TMEM132D: variants seen among roughly 807,000 people sequenced by gnomAD.
The protein encoded by TMEM132D is mature OL transmembrane protein.
Under a neutral mutation model 62.3 loss-of-function variants are expected in TMEM132D, and 21 were observed. That is an observed-to-expected ratio of 0.34 (90% CI 0.24 to 0.49). The LOEUF (loss-of-function observed/expected upper bound fraction) is 0.49. TMEM132D is among the 20% of genes least tolerant of loss of function. The probability of loss-of-function intolerance (pLI) is 0.99; values close to 1 mark genes in which losing one functional copy is unlikely to be tolerated. For missense variants in TMEM132D, 1,346 were observed against 1,402.8 expected (o/e 0.96, Z 0.65); for synonymous variants, 621 against 575.6 (o/e 1.08, Z -1.13).
chr12:129,638,073 G>C (rs1274231941), intron 2 of TMEM132D, among the ~76,000 whole-genome samples: 1 of 152,190 alleles, frequency 6.6e-6, no homozygotes, highest in African/African-American at 2.4e-5. Flanking sequence ...TTCTGTGTAA[G>C]TGAAATGAAA....
chr12:129,779,246 A>G lies in TMEM132D; in HGVS notation c.80-78548T>C, dbSNP rs1258245427. On this transcript the variant is annotated intron_variant, in intron 1 of 8. Coordinates refer to ENST00000422113, the MANE Select transcript of TMEM132D (RefSeq NM_133448.3). This position sits in a 1 kb window ranked among gnomAD's most constrained non-coding sequence, Gnocchi z 4.1. ...AGAACGGCTACACCCAGCTACAAGC[A>G]GTACCAGGAAATGAAGCTTTTATTC... Among the ~76,000 whole-genome samples the G allele has an allele frequency of 6.6e-6, 1 of 152,236 alleles. No homozygotes were observed. The highest frequency in any genetic ancestry group is 2.4e-5 in the African/African-American group (1 of 41,454).
intron 2 of TMEM132D, among the ~76,000 whole-genome samples, chr12:129,638,206 C>T (rs1019589677): frequency 5.9e-5 from 9 of 152,138 alleles, no homozygotes; most frequent in East Asian, 1.9e-4. Context: ...TGTCCTTACC[C>T]GTTTTATTAA....
At chr12:129,543,566 A>G (rs927446434) in intron 2 of TMEM132D, among the ~76,000 whole-genome samples, 8 of 152,336 alleles carry the variant, frequency 5.3e-5, no homozygotes, top group African/African-American at 9.6e-5. Context: ...GGGTGCTTCT[A>G]TTAGCCTAAA....
chr12:129,143,924 C>A (rs774720047), intron 5 of TMEM132D, among the ~76,000 whole-genome samples: 13 of 149,284 alleles, frequency 8.7e-5, no homozygotes, highest in Non-Finnish European at 1.5e-4. Flanking sequence ...ACCACAATGA[C>A]CCTGCTCACT....
rs1870311850 is a variant in TMEM132D, at chr12:129,760,310, T to C, written c.80-59612A>G. On this transcript the variant is annotated intron_variant, in intron 1 of 8. Transcript: ENST00000422113. The stretch of plus-strand genomic sequence containing the variant: ...GTCTTAGTGCAACAGACAGAAATGA[T>C]GTAAGCCACTTTCTTTTTTTTTTTT... Among the ~76,000 whole-genome samples the C allele has an allele frequency of 2.7e-5, 4 of 149,356 alleles. No homozygotes were observed. The South Asian group carries it at 8.5e-4, about 32-fold the overall frequency.
At chr12:129,168,696 A>T (rs1435959211) in intron 5 of TMEM132D, among the ~76,000 whole-genome samples, 1 of 152,128 alleles carries the variant, frequency 6.6e-6, no homozygotes, top group Non-Finnish European at 1.5e-5. Flanking sequence ...GGGCTGTCCT[A>T]TGAGTCATAG....
intron 2 of TMEM132D, among the ~76,000 whole-genome samples, chr12:129,667,040 G>T (rs974726120): frequency 3.3e-5 from 5 of 152,130 alleles, no homozygotes; most frequent in Admixed American, 2.6e-4. Context: ...AGGTGGCTAA[G>T]ATTTAAAAGA....
At chr12:129,718,540 T>G (rs964755850) in intron 1 of TMEM132D, among the ~76,000 whole-genome samples, 2 of 152,214 alleles carry the variant, frequency 1.3e-5, no homozygotes, top group African/African-American at 4.8e-5. Flanking sequence ...TTTTTGGAAA[T>G]TGGTTTACTT....
At chr12:129,877,618 C>CAA (rs1874466420) in intron 1 of TMEM132D, among the ~76,000 whole-genome samples, 2 of 142,332 alleles carry the variant, frequency 1.4e-5, no homozygotes, top group South Asian at 2.4e-4. Context: ...CGCGCGCACA[C>CAA]ACACACACAC....
At chr12:129,675,196 T>C (rs542893412) in intron 2 of TMEM132D, among the ~76,000 whole-genome samples, 191 of 152,138 alleles carry the variant, frequency 1.3e-3, no homozygotes, top group African/African-American at 4.1e-3. Flanking sequence ...ACTGCAGCCA[T>C]AAAAAAATGA....
At chr12:129,554,662 C>T (rs1489385045) in intron 2 of TMEM132D, among the ~76,000 whole-genome samples, 1 of 152,124 alleles carries the variant, frequency 6.6e-6, no homozygotes, top group Non-Finnish European at 1.5e-5. Flanking sequence ...AACATGGGAC[C>T]ACTTGTTGAA....
intron 2 of TMEM132D, among the ~76,000 whole-genome samples, chr12:129,636,225 A>C (rs1879471810): frequency 6.6e-6 from 1 of 152,196 alleles, no homozygotes; most frequent in African/African-American, 2.4e-5. Context: ...AGGGAAGGGG[A>C]TTATCTACAG....
At chr12:129,398,431 G>A (rs7974118) in intron 3 of TMEM132D, among the ~76,000 whole-genome samples, 5,450 of 152,264 alleles carry the variant, frequency 0.036, 156 homozygotes, top group African/African-American at 0.084. Flanking sequence ...CTCACTTCTT[G>A]TATGTGGGAA....
intron 1 of TMEM132D, among the ~76,000 whole-genome samples, chr12:129,745,192 T>G (rs1018907110): frequency 1.1e-4 from 17 of 152,248 alleles, no homozygotes; most frequent in African/African-American, 4.1e-4. Flanking sequence ...GATACTTCTT[T>G]ATATCTATTT....
At chr12:129,294,969 T>A (rs534723633) in intron 4 of TMEM132D, among the ~76,000 whole-genome samples, 1 of 152,314 alleles carries the variant, frequency 6.6e-6, no homozygotes, top group East Asian at 1.9e-4. Flanking sequence ...AGATATTTGG[T>A]CACATGTTAC....
intron 2 of TMEM132D, among the ~76,000 whole-genome samples, chr12:129,570,896 T>C (rs987366847): frequency 2.0e-5 from 3 of 152,196 alleles, no homozygotes; most frequent in Admixed American, 6.5e-5. Flanking sequence ...GAGACGGGCT[T>C]AGTAAACAAT....
At chr12:129,115,559 T>C (rs1593266510) in intron 5 of TMEM132D, among the ~76,000 whole-genome samples, 2 of 152,214 alleles carry the variant, frequency 1.3e-5, no homozygotes, top group Non-Finnish European at 2.9e-5. Flanking sequence ...TAAATAATGA[T>C]ACTCGGAGTA....
chr12:129,334,984 A>T (rs1208767530), intron 4 of TMEM132D, among the ~76,000 whole-genome samples: 1 of 152,138 alleles, frequency 6.6e-6, no homozygotes, highest in Non-Finnish European at 1.5e-5. Flanking sequence ...AAAATATGGG[A>T]GCTGTGGATA....
intron 4 of TMEM132D, among the ~76,000 whole-genome samples, chr12:129,324,482 C>T (rs7960216): frequency 0.23 from 35,689 of 152,070 alleles, 4,485 homozygotes; most frequent in African/African-American, 0.28. Context: ...GTCTTTTCAT[C>T]CCTAGAGGAC....
Sources: gnomAD v4.1 joint callset for allele counts (sites outside exome capture counted in the v4.1 genomes callset) on GRCh38, gnomAD v4.1.1 for gene constraint, Gnocchi (gnomAD v3.1) non-coding constraint, MANE v1.5 for transcripts, NCBI Gene and HGNC (gene_info 2026-07-23, HGNC 2026-07-21) for gene names.